Variants in PDZK1 observed in about 807,000 individuals in gnomAD.
PDZK1 encodes PDZ domain containing 1.
PDZK1 carries 23 observed loss-of-function variants against 38.1 expected under a neutral mutation model. The ratio of observed to expected loss-of-function variants is 0.60; its 90% CI spans 0.43 to 0.85. PDZK1 has a LOEUF of 0.85. Ranked by LOEUF, PDZK1 falls within the 40% of genes least tolerant of loss-of-function variation. The pLI is 0.00. For missense variants in PDZK1, 297 were observed against 504.3 expected (o/e 0.59, Z 3.94); for synonymous variants, 98 against 186.2 (o/e 0.53, Z 3.86).
In PDZK1 at chr1:145,671,066, CT is replaced by C. The variant is rs1176522051; in HGVS notation, c.*369del. On this transcript the variant is annotated 3_prime_UTR_variant, in exon 9 of 9. Transcript: ENST00000417171. The stretch of plus-strand genomic sequence containing the variant: ...TTTAATAGGCTTATCTGCTAAGATG[CT>C]TTTATAAGCAGCTGTCACCTATACA... 1 of 194,902 alleles carries C rather than the reference CT, an allele frequency of 5.1e-6. No individual in the cohort carries two copies. Among genetic ancestry groups the C allele is most frequent in the Admixed American group, 5.6e-5 (1 of 17,732 alleles). The allele number at this position is 194,902 out of a possible 1,614,324, so 12.1% of individuals were successfully genotyped here.
intron 1 of PDZK1, among the ~76,000 whole-genome samples, chr1:145,697,623 A>C (rs1289471321): frequency 6.6e-6 from 1 of 151,984 alleles, no homozygotes; most frequent in African/African-American, 2.4e-5. Flanking sequence ...TTTTTGAGAC[A>C]GTCTCGCTCT....
At chr1:145,689,114 C>T (rs1203784748) in intron 1 of PDZK1, among the ~76,000 whole-genome samples, 3 of 152,136 alleles carry the variant, frequency 2.0e-5, no homozygotes, top group African/African-American at 4.8e-5. Context: ...CCCTCCCAGA[C>T]GCTTTGTCAC....
chr1:145,690,152 AT>A (rs2101911281), intron 1 of PDZK1, among the ~76,000 whole-genome samples: 1 of 152,272 alleles, frequency 6.6e-6, no homozygotes, highest in Non-Finnish European at 1.5e-5. Flanking sequence ...AAAGGAGAAA[AT>A]ATGGCATCAC....
At chr1:145,689,477 G>C (rs1446006631) in intron 1 of PDZK1, among the ~76,000 whole-genome samples, 1 of 152,132 alleles carries the variant, frequency 6.6e-6, no homozygotes, top group Admixed American at 6.5e-5. Context: ...GTGTAAAACC[G>C]ACAGCTAGGG....
chr1:145,686,132 T>C (rs587679280), intron 3 of PDZK1, among the ~76,000 whole-genome samples: 5 of 152,298 alleles, frequency 3.3e-5, no homozygotes, highest in Non-Finnish European at 7.4e-5. Flanking sequence ...TTCCTTATTC[T>C]GCCCTTCATT....
intron 6 of PDZK1, among the ~76,000 whole-genome samples, chr1:145,677,056 T>C (rs1242445968): frequency 3.3e-5 from 5 of 152,220 alleles, no homozygotes; most frequent in Admixed American, 2.0e-4. Flanking sequence ...GTGGTAACTA[T>C]ATTACCAGGT....
intron 1 of PDZK1, among the ~76,000 whole-genome samples, chr1:145,695,580 G>A (rs1320470780): frequency 2.0e-5 from 3 of 152,220 alleles, no homozygotes; most frequent in Non-Finnish European, 4.4e-5. Flanking sequence ...AGACTATAAA[G>A]GCCTTTAATA....
At chr1:145,689,581 A>T (rs782809330) in intron 1 of PDZK1, among the ~76,000 whole-genome samples, 1 of 152,052 alleles carries the variant, frequency 6.6e-6, no homozygotes, top group East Asian at 2.0e-4. Context: ...GAATAAGAAC[A>T]GGGGCCAGAA....
intron 5 of PDZK1, 46 bp from the exon 6 acceptor site, chr1:145,678,691 T>TA (rs1307407023): frequency 2.0e-5 from 9 of 458,964 alleles, no homozygotes; most frequent in South Asian, 1.5e-4. Flanking sequence ...GTAAGTCCCC[T>TA]AAAAAAATAA....
Position 145,687,811 on chromosome 1 carries a change from C to T in PDZK1, c.210+1G>A. 6.2e-7 allele frequency: 1 copy of T among 1,609,000 alleles called. No homozygotes were observed. Among genetic ancestry groups the T allele is most frequent in the Non-Finnish European group, 8.5e-7 (1 of 1,175,362 alleles). ...AGAAAAGCCCCAAATGTCTCATTCA[C>T]CTGCATATGTTCTTCTTTGTCCACA... On this transcript the variant is annotated splice_donor_variant, in intron 2 of 8. Transcript: ENST00000417171. LOFTEE classifies it high-confidence loss of function.
chr1:145,675,372 C>T (rs1219646214), intron 6 of PDZK1, among the ~76,000 whole-genome samples: 1 of 142,566 alleles, frequency 7.0e-6, no homozygotes, highest in Non-Finnish European at 1.5e-5. Context: ...GGAAGGTGAG[C>T]ACAGTGTGGG....
At chr1:145,705,241 GT>G (rs1656181616) in intron 1 of PDZK1, among the ~76,000 whole-genome samples, 2 of 152,032 alleles carry the variant, frequency 1.3e-5, no homozygotes, top group Admixed American at 1.3e-4. Flanking sequence ...CAGACAGGCA[GT>G]ACCACGCCCG....
intron 2 of PDZK1, among the ~76,000 whole-genome samples, 178 bp downstream of exon 2, chr1:145,687,634 C>A (rs1654905091): frequency 6.6e-6 from 1 of 151,556 alleles, no homozygotes; most frequent in Admixed American, 6.6e-5. Context: ...GTGTACAGTT[C>A]TTGGTTCCTC....
chr1:145,683,346 A>G (rs1226829555), intron 3 of PDZK1, among the ~76,000 whole-genome samples: 1 of 152,260 alleles, frequency 6.6e-6, no homozygotes, highest in Non-Finnish European at 1.5e-5. Context: ...AGAAAGCGCT[A>G]AAACATGCCC....
chr1:145,698,014 G>A (rs1655738280), intron 1 of PDZK1, among the ~76,000 whole-genome samples: 1 of 151,820 alleles, frequency 6.6e-6, no homozygotes, highest in Non-Finnish European at 1.5e-5. Flanking sequence ...GCCTTGGTGA[G>A]AGGAAATACC....
intron 1 of PDZK1, among the ~76,000 whole-genome samples, chr1:145,704,760 A>G (rs948646377): frequency 1.3e-5 from 2 of 152,174 alleles, no homozygotes; most frequent in African/African-American, 4.8e-5. Context: ...CCAGCTTGCC[A>G]CTCTCATTGC....
rs11420111 is a variant in PDZK1 at position 145,687,524 on chromosome 1, CAAAAAAAAAAAAAA to C, written c.210+274_210+287del. On this transcript the variant is annotated intron_variant, in intron 2 of 8. Transcript: ENST00000417171. The stretch of plus-strand genomic sequence containing the variant: ...TGGGTGAAAGAGCGAAACTCCATCT[CAAAAAAAAAAAAAA>C]AAAAAAAAATACCTAGCACCATTTT... Among the ~76,000 whole-genome samples the C allele has an allele frequency of 4.6e-5, 3 of 64,620 alleles. No homozygotes were observed. The South Asian group carries it at 1.8e-3, about 38-fold the overall frequency. The allele number at this position is 64,620 out of a possible 152,430, so 42.4% of individuals were successfully genotyped here. A position where few individuals can be genotyped will look rare whatever the true frequency, so the allele number is the denominator to read the frequency against.
At position 145,690,369 on chromosome 1, in the gene PDZK1, G is replaced by A. The variant is rs369545497; in HGVS notation, c.-2-2346C>T. ...AAAAGAAAAAAAATCAGAAAAGAAA[G>A]ACGAGGTCTCAATGTACTTTACTGG... On this transcript the variant is annotated intron_variant, in intron 1 of 8. Coordinates refer to ENST00000417171, the MANE Select transcript of PDZK1 (RefSeq NM_001201325.2). Among the ~76,000 whole-genome samples, 4 of 152,246 alleles carry A rather than the reference G, an allele frequency of 2.6e-5. No individual in the cohort carries two copies. The South Asian group carries it at 6.2e-4, about 24-fold the overall frequency.
At chr1:145,683,467 T>C (rs1438051106) in intron 3 of PDZK1, among the ~76,000 whole-genome samples, 51 of 151,992 alleles carry the variant, frequency 3.4e-4, no homozygotes, top group African/African-American at 1.1e-3. Context: ...TCGTATGCTG[T>C]GGAGTCATCT....
Sources: gnomAD v4.1 joint callset for allele counts (sites outside exome capture counted in the v4.1 genomes callset) on GRCh38, gnomAD v4.1.1 for gene constraint, MANE v1.5 for transcripts, NCBI Gene and HGNC (gene_info 2026-07-23, HGNC 2026-07-21) for gene names.